ANKRD28: variants seen among roughly 807,000 people sequenced by gnomAD.
ANKRD28 encodes the protein ankyrin repeat domain 28.
ANKRD28 carries 44 observed loss-of-function variants against 126.5 expected under a neutral mutation model. The observed-to-expected ratio is 0.35, with a 90% CI of 0.27 to 0.45. The LOEUF is 0.45. Among genes scored for constraint, ANKRD28 ranks in the 20% least tolerant of loss-of-function variants. ANKRD28 has a pLI of 1.00. For synonymous variants in ANKRD28, 442 were observed against 468.5 expected (o/e 0.94, Z 0.73); for missense variants, 1,110 against 1,316.6 (o/e 0.84, Z 2.43).
rs149879076 is a variant in ANKRD28, at chr3:15,698,578, G to C, written c.1548-2333C>G. 4.2e-3 allele frequency among the ~76,000 whole-genome samples: 644 copies of C among 152,114 alleles called. 4 individuals are homozygous for C. The highest frequency in any genetic ancestry group is 0.019 in the East Asian group (98 of 5,180). On this transcript the variant is annotated intron_variant, in intron 14 of 27. Coordinates refer to ENST00000683139, the MANE Select transcript of ANKRD28 (RefSeq NM_001349278.2). ...AAAATCAATGTGCGAAAATCACAAA[G>C]ATTCCCATACACCAATAACAGACAA... is the stretch of plus-strand genomic sequence containing the variant.
At chr3:15,773,131 A>T (rs2059098170) in intron 2 of ANKRD28, among the ~76,000 whole-genome samples, 1 of 151,144 alleles carries the variant, frequency 6.6e-6, no homozygotes, top group African/African-American at 2.5e-5. Context: ...AATCCCAAGG[A>T]ATCTAAAAAA....
At position 15,690,184 on chromosome 3, in the gene ANKRD28, C is replaced by G. The variant is rs373074737; in HGVS notation, c.1798G>C (p.Val600Leu). Residue 600 changes from valine (V) to leucine (L), a missense_variant, in exon 18 of 28, where the codon GTA becomes CTA. By Grantham distance (32) the Val-to-Leu change is conservative. Transcript: ENST00000683139. ...ACATCAAGATCTAACAAAGACTGTA[C>G]CAACACTTCCAGTGCTTGATGGTGA... ...HGHHQALEVL[V>L]QSLLDLDVRN... The G allele has an allele frequency of 8.7e-5, 140 of 1,606,522 alleles. No individual in the cohort carries two copies. Among genetic ancestry groups the G allele is most frequent in the Non-Finnish European group, 1.1e-4 (131 of 1,176,200 alleles).
At chr3:15,703,974 T>C (rs2070993928) in intron 14 of ANKRD28, among the ~76,000 whole-genome samples, 1 of 152,192 alleles carries the variant, frequency 6.6e-6, no homozygotes, top group African/African-American at 2.4e-5. Flanking sequence ...AGAGCTGGTA[T>C]GAGGGGAATT....
chr3:15,791,975 G>A (rs1285425246), intron 2 of ANKRD28, among the ~76,000 whole-genome samples: 1 of 151,952 alleles, frequency 6.6e-6, no homozygotes, highest in Non-Finnish European at 1.5e-5. Context: ...ACACACAAAT[G>A]GTGAAAAGGT....
At chr3:15,799,383 A>G (rs151118552), upstream of ANKRD28, among the ~76,000 whole-genome samples, 1 of 152,156 alleles carries the variant, frequency 6.6e-6, no homozygotes, top group East Asian at 1.9e-4. Context: ...AACAAGAACC[A>G]TTGAAAGCTA....
chr3:15,820,130 T>C (rs17041564), intron 1 of ANKRD28, among the ~76,000 whole-genome samples: 13,574 of 152,228 alleles, frequency 0.089, 666 homozygotes, highest in African/African-American at 0.12. Context: ...GTTGACAACA[T>C]TTGTACAGAC....
At chr3:15,742,857 C>G in intron 4 of ANKRD28, among the ~76,000 whole-genome samples, 2 of 147,400 alleles carry the variant, frequency 1.4e-5, no homozygotes, top group East Asian at 4.1e-4. Context: ...GCCCAGCCAC[C>G]ACCCCGTCTG....
At chr3:15,796,301 G>A (rs982769231) in intron 1 of ANKRD28, 104 bp downstream of exon 1, 1 of 613,438 alleles carries the variant, frequency 1.6e-6, no homozygotes, top group South Asian at 2.7e-5. Flanking sequence ...CTTTAATTTG[G>A]GTTTGTAAAG....
chr3:15,819,571 T>C (rs1388163895), intron 1 of ANKRD28, among the ~76,000 whole-genome samples: 1 of 152,224 alleles, frequency 6.6e-6, no homozygotes, highest in Non-Finnish European at 1.5e-5. Context: ...GGAAACCAGA[T>C]GACTTGGGAT....
chr3:15,727,914 CT>C (rs1241433204), intron 6 of ANKRD28, among the ~76,000 whole-genome samples: 1 of 152,160 alleles, frequency 6.6e-6, no homozygotes, highest in African/African-American at 2.4e-5. Context: ...GACAACAAAG[CT>C]TTTAGAGAAA....
rs1457139931 is a variant in ANKRD28 at position 15,735,342 on chromosome 3, G to C, written c.640+68C>G. 7 of 1,291,354 alleles carry C rather than the reference G, an allele frequency of 5.4e-6. No homozygotes were observed. In the African/African-American group the frequency reaches 1.0e-4, roughly 19 times the overall value. The allele number at this position is 1,291,354 out of a possible 1,614,324, so 80.0% of individuals were successfully genotyped here. ...CTTAAAGACAAATGCTATACAAACAGCAAGAACTTGAAATGTACAACTTTT... is the reference window on the plus strand; with the variant it reads ...CTTAAAGACAAATGCTATACAAACACCAAGAACTTGAAATGTACAACTTTT... On this transcript the variant is annotated intron_variant, in intron 6 of 27. Coordinates refer to ENST00000683139, the MANE Select transcript of ANKRD28 (RefSeq NM_001349278.2).
intron 4 of ANKRD28, among the ~76,000 whole-genome samples, chr3:15,748,581 C>T (rs1388803495): frequency 1.3e-5 from 2 of 152,126 alleles, no homozygotes; most frequent in Non-Finnish European, 2.9e-5. Context: ...GATAGGTGTT[C>T]CTTTATAGGT....
chr3:15,709,351 T>C (rs1332601795), intron 13 of ANKRD28, among the ~76,000 whole-genome samples: 5 of 152,158 alleles, frequency 3.3e-5, no homozygotes, highest in South Asian at 2.1e-4. Flanking sequence ...GTGAGTTTCT[T>C]GAAAAAACAT....
At chr3:15,684,771 G>A (rs1190885491) in intron 21 of ANKRD28, 3 of 164,014 alleles carry the variant, frequency 1.8e-5, no homozygotes, top group African/African-American at 4.9e-5. Context: ...CTATATAAAA[G>A]CAATGGAAAC....
intron 1 of ANKRD28, among the ~76,000 whole-genome samples, chr3:15,795,509 C>A (rs2060237433): frequency 6.6e-6 from 1 of 151,590 alleles, no homozygotes; most frequent in Admixed American, 6.6e-5. Flanking sequence ...AAAAAAAAAT[C>A]AATTCAGTTT....
At chr3:15,849,647 C>T (rs980536802) in intron 1 of ANKRD28, among the ~76,000 whole-genome samples, 2 of 152,140 alleles carry the variant, frequency 1.3e-5, no homozygotes, top group Non-Finnish European at 2.9e-5. Flanking sequence ...AATAAATATT[C>T]TTAAGGAAGT....
At chr3:15,786,614 T>A (rs564081099) in intron 2 of ANKRD28, among the ~76,000 whole-genome samples, 1 of 152,264 alleles carries the variant, frequency 6.6e-6, no homozygotes, top group Admixed American at 6.6e-5. Context: ...ATGCAGTTTA[T>A]TATACATCGA....
At chr3:15,851,360 G>A (rs563874992) in intron 1 of ANKRD28, among the ~76,000 whole-genome samples, 120 of 151,744 alleles carry the variant, frequency 7.9e-4, no homozygotes, top group African/African-American at 2.8e-3. Context: ...TGGGCAACAC[G>A]GCAAAAACCC....
intron 24 of ANKRD28, 150 bp from the exon 25 acceptor site, chr3:15,677,712 A>G (rs1177731886): frequency 2.0e-6 from 1 of 493,734 alleles, no homozygotes; most frequent in Non-Finnish European, 3.6e-6. Context: ...TATAACATAT[A>G]TATCTTCATA....
Sources: gnomAD v4.1 joint callset for allele counts (sites outside exome capture counted in the v4.1 genomes callset) on GRCh38, gnomAD v4.1.1 for gene constraint, MANE v1.5 for transcripts, NCBI Gene and HGNC (gene_info 2026-07-23, HGNC 2026-07-21) for gene names.